MAPT: variants seen among roughly 807,000 people sequenced by gnomAD.
MAPT encodes microtubule-associated protein tau.
A neutral mutation model predicts 67.9 loss-of-function variants in MAPT; 34 were observed. The ratio of observed to expected loss-of-function variants is 0.50; its 90% CI spans 0.38 to 0.67. The LOEUF (loss-of-function observed/expected upper bound fraction) is 0.67. Among genes scored for constraint, MAPT ranks in the 30% least tolerant of loss-of-function variants. MAPT has a pLI of 0.00. For synonymous variants in MAPT, 456 were observed against 464.5 expected (o/e 0.98, Z 0.23); for missense variants, 881 against 1,115.2 (o/e 0.79, Z 2.99).
intron 9 of MAPT, among the ~76,000 whole-genome samples, chr17:46,001,927 C>T (rs1372206490): frequency 6.6e-6 from 1 of 152,132 alleles, no homozygotes; most frequent in Non-Finnish European, 1.5e-5. Flanking sequence ...ACAGGCAGAC[C>T]CTTGTTTGGG....
chr17:45,985,581 A>C, intron 5 of MAPT: 299 of 434,980 alleles, frequency 6.9e-4, no homozygotes, highest in Non-Finnish European at 8.6e-4. Flanking sequence ...TTAATGTACT[A>C]ATGGCCATTG....
In MAPT at chr17:45,920,390, T is replaced by C. The variant is rs548825831; in HGVS notation, c.-18+25704T>C. 2.6e-5 allele frequency among the ~76,000 whole-genome samples: 4 copies of C among 152,282 alleles called. No homozygotes were observed. The South Asian group carries it at 8.3e-4, about 32-fold the overall frequency. Reference sequence around the variant, plus strand: ...TTTGCAGATACTGTCTCTGTTTTTATCTCCCGGGGAAACTGAGGCTCAGAG... The same window carrying C: ...TTTGCAGATACTGTCTCTGTTTTTACCTCCCGGGGAAACTGAGGCTCAGAG... On this transcript the variant is annotated intron_variant, in intron 1 of 12. Coordinates refer to ENST00000262410, the MANE Select transcript of MAPT (RefSeq NM_001377265.1).
rs1056539479 is a variant in MAPT, at chr17:45,897,608, A to C, written c.-18+2922A>C. The C allele has an allele frequency of 1.3e-5, 2 of 152,298 alleles. No homozygotes were observed. Among genetic ancestry groups the C allele is most frequent in the African/African-American group, 4.8e-5 (2 of 41,438 alleles). The allele number at this position is 152,298 out of a possible 1,614,324, so 9.4% of individuals were successfully genotyped here. A position where few individuals can be genotyped will look rare whatever the true frequency, so the allele number is the denominator to read the frequency against. The stretch of plus-strand genomic sequence containing the variant: ...GGTGCGCCTCTGGAAATGTCTGGGC[A>C]CGGATCCTGGGGCCATCGACGACTC... On this transcript the variant is annotated intron_variant, in intron 1 of 12. Coordinates refer to ENST00000262410, the MANE Select transcript of MAPT (RefSeq NM_001377265.1). The surrounding 1 kb of genome is among the most constrained non-coding windows in gnomAD (Gnocchi z 5.0).
intron 7 of MAPT, 81 bp downstream of exon 7, chr17:45,990,156 C>T: frequency 1.6e-6 from 2 of 1,279,628 alleles, no homozygotes; most frequent in East Asian, 2.3e-5. Flanking sequence ...GTTTTTTAGC[C>T]TCAAAGACCT....
At chr17:45,941,672 CCCCT>C (rs2067917174) in intron 1 of MAPT, among the ~76,000 whole-genome samples, 2 of 21,284 alleles carry the variant, frequency 9.4e-5, no homozygotes, top group African/African-American at 2.2e-4. Context: ...CCCCCCTTCC[CCCCT>C]TCCCTCCTTC....
At chr17:45,904,231 ATATAT>A (rs1197331307) in intron 1 of MAPT, among the ~76,000 whole-genome samples, 6 of 46,602 alleles carry the variant, frequency 1.3e-4, no homozygotes, top group Admixed American at 4.2e-4. Flanking sequence ...TATATATATT[ATATAT>A]TATAATATAT....
chr17:45,954,842 G>C (rs1310654773), intron 1 of MAPT, among the ~76,000 whole-genome samples: 1 of 151,986 alleles, frequency 6.6e-6, no homozygotes, highest in African/African-American at 2.4e-5. Context: ...AAATTAGCCG[G>C]GCACAGTGGC....
chr17:45,995,095 G>A lies in MAPT; in HGVS notation c.1733-1304G>A, dbSNP rs1253721549. Among the ~76,000 whole-genome samples, 5 of 152,186 alleles carry A rather than the reference G, an allele frequency of 3.3e-5. No homozygotes were observed. In the East Asian group the frequency reaches 7.7e-4, roughly 23 times the overall value. On this transcript the variant is annotated intron_variant, in intron 8 of 12. Coordinates refer to ENST00000262410, the MANE Select transcript of MAPT (RefSeq NM_001377265.1). The surrounding 1 kb of genome is among the most constrained non-coding windows in gnomAD (Gnocchi z 4.3). The stretch of plus-strand genomic sequence containing the variant: ...AAAACAACAACAAAAGAAAACTAGT[G>A]CTTATTCGTCACTGGCCAAGCTGCC...
chr17:45,974,119 CA>C, intron 3 of MAPT: 1 of 542,474 alleles, frequency 1.8e-6, no homozygotes, highest in East Asian at 3.1e-5. Flanking sequence ...CAGTCTGTTT[CA>C]CTGCAGCGTT....
At chr17:45,920,735 G>T (rs533014210) in intron 1 of MAPT, among the ~76,000 whole-genome samples, 1 of 152,120 alleles carries the variant, frequency 6.6e-6, no homozygotes, top group Non-Finnish European at 1.5e-5. Flanking sequence ...CTCCTTAGCC[G>T]TCCCTAACCA....
intron 3 of MAPT, chr17:45,978,121 G>A (rs1263851190): frequency 1.9e-6 from 1 of 532,238 alleles, no homozygotes; most frequent in Non-Finnish European, 3.4e-6. Context: ...TCCCAAAGTG[G>A]AGAAAGTCTT....
chr17:45,911,257 G>A (rs62056835), intron 1 of MAPT, among the ~76,000 whole-genome samples: 21,836 of 152,206 alleles, frequency 0.14, 2,136 homozygotes, highest in Middle Eastern at 0.22. Flanking sequence ...CGGGCATAGC[G>A]CATGGCACAG....
intron 1 of MAPT, among the ~76,000 whole-genome samples, chr17:45,911,558 C>T (rs573946453): frequency 1.4e-4 from 22 of 152,090 alleles, no homozygotes; most frequent in Middle Eastern, 3.4e-3. Flanking sequence ...GCCAGGAGTC[C>T]GAGACCAGCC....
chr17:45,989,626 G>A (rs988043848), intron 6 of MAPT, among the ~76,000 whole-genome samples: 2 of 152,180 alleles, frequency 1.3e-5, no homozygotes, highest in African/African-American at 4.8e-5. Flanking sequence ...AGTCCAGCCT[G>A]GGCGACAGAG....
chr17:46,006,435 G>T (rs115000069), intron 9 of MAPT, among the ~76,000 whole-genome samples: 2,427 of 152,052 alleles, frequency 0.016, 53 homozygotes, highest in African/African-American at 0.056. Context: ...GGCTGAGGAG[G>T]GTGGAGGGGA....
chr17:46,012,237 C>G (rs1309578091), intron 10 of MAPT, among the ~76,000 whole-genome samples: 1 of 152,194 alleles, frequency 6.6e-6, no homozygotes, highest in Non-Finnish European at 1.5e-5. Flanking sequence ...CGTGGCCAAC[C>G]CCTCTGGGTA....
At chr17:45,903,471 G>A (rs1343934947) in intron 1 of MAPT, among the ~76,000 whole-genome samples, 2 of 151,856 alleles carry the variant, frequency 1.3e-5, no homozygotes, top group Non-Finnish European at 2.9e-5. Context: ...TGTAATCCCA[G>A]CACTTTGGGA....
intron 1 of MAPT, among the ~76,000 whole-genome samples, chr17:45,949,615 T>C (rs1598106651): frequency 6.6e-6 from 1 of 152,150 alleles, no homozygotes; most frequent in East Asian, 1.9e-4. Context: ...TCTCACGGGG[T>C]GGTTGTGAGC....
At chr17:46,012,927 C>T (rs952956400) in intron 10 of MAPT, among the ~76,000 whole-genome samples, 1 of 152,124 alleles carries the variant, frequency 6.6e-6, no homozygotes, top group Non-Finnish European at 1.5e-5. Context: ...CCTCCCTGTC[C>T]CCCAACGTCC....
Sources: allele counts gnomAD v4.1 joint callset (sites outside exome capture counted in the v4.1 genomes callset), GRCh38; gene constraint gnomAD v4.1.1; non-coding constraint Gnocchi (gnomAD v3.1); transcripts MANE v1.5; gene names NCBI Gene and HGNC (gene_info 2026-07-23, HGNC 2026-07-21).